The following PACRG variants were observed in gnomAD, a reference collection of about 807,000 sequenced individuals.
PACRG encodes parkin coregulated, also known as parkin coregulated gene protein.
Under a neutral mutation model 29.7 loss-of-function variants are expected in PACRG, and 29 were observed. The ratio of observed to expected loss-of-function variants is 0.98; its 90% CI spans 0.73 to 1.33. PACRG has a LOEUF of 1.33. Among genes scored for constraint, PACRG ranks in the 40% most tolerant of loss-of-function variants. PACRG has a pLI of 0.00. For synonymous variants in PACRG, 116 were observed against 118.7 expected, an observed-to-expected ratio of 0.98 and a Z score of 0.15; for missense variants, 279 against 316.2, an observed-to-expected ratio of 0.88 and a Z score of 0.89.
intron 2 of PACRG, among the ~76,000 whole-genome samples, chr6:162,929,767 G>C (rs891984025): frequency 1.3e-5 from 2 of 151,930 alleles, no homozygotes; most frequent in African/African-American, 4.8e-5. Flanking sequence ...ATGGTGAGAG[G>C]TAGGGGTCTA....
At chr6:163,161,227 T>G (rs575759068) in intron 4 of PACRG, among the ~76,000 whole-genome samples, 3 of 152,196 alleles carry the variant, frequency 2.0e-5, no homozygotes, top group Admixed American at 2.0e-4. Flanking sequence ...GTCTCCACTT[T>G]GTCATTACTC....
At chr6:163,243,875 T>A (rs1782594507) in intron 4 of PACRG, among the ~76,000 whole-genome samples, 1 of 152,176 alleles carries the variant, frequency 6.6e-6, no homozygotes, top group Non-Finnish European at 1.5e-5. Context: ...GCTAAGAAGC[T>A]ATCTCACCCT....
intron 4 of PACRG, among the ~76,000 whole-genome samples, chr6:163,297,102 C>G (rs951431346): frequency 6.6e-6 from 1 of 152,194 alleles, no homozygotes; most frequent in African/African-American, 2.4e-5. Flanking sequence ...CAAACCTGCT[C>G]TCAATGTAAT....
At chr6:162,963,281 AT>A (rs1237890050) in intron 2 of PACRG, among the ~76,000 whole-genome samples, 2 of 152,134 alleles carry the variant, frequency 1.3e-5, no homozygotes, top group Admixed American at 1.3e-4. Context: ...CCAAGATGTG[AT>A]TATATTAGAC....
intron 2 of PACRG, among the ~76,000 whole-genome samples, chr6:163,059,336 G>T (rs1810900945): frequency 6.6e-6 from 1 of 151,948 alleles, no homozygotes; most frequent in Non-Finnish European, 1.5e-5. Context: ...AGTATTTATT[G>T]TTTGAAGGCA....
At chr6:163,180,872 C>A (rs990103505) in intron 4 of PACRG, among the ~76,000 whole-genome samples, 18 of 152,214 alleles carry the variant, frequency 1.2e-4, no homozygotes, top group African/African-American at 3.4e-4. Flanking sequence ...TCACCAGGCA[C>A]CGAGCGTTGT....
chr6:163,023,976 T>C (rs1019872622), intron 2 of PACRG, among the ~76,000 whole-genome samples: 1 of 152,156 alleles, frequency 6.6e-6, no homozygotes, highest in Admixed American at 6.5e-5. Context: ...CTGCATTTTG[T>C]TGAATGCATG....
intron 2 of PACRG, among the ~76,000 whole-genome samples, chr6:163,040,037 T>C (rs1413766719): frequency 2.6e-5 from 4 of 152,176 alleles, no homozygotes; most frequent in Non-Finnish European, 1.5e-5. Flanking sequence ...GCCCTTCCCA[T>C]CACAGGCCTT....
At chr6:162,883,083 A>G in intron 2 of PACRG, among the ~76,000 whole-genome samples, 1 of 152,132 alleles carries the variant, frequency 6.6e-6, no homozygotes. Flanking sequence ...GTTATTATTT[A>G]CTAAATGAAA....
intron 2 of PACRG, among the ~76,000 whole-genome samples, chr6:162,889,746 G>C (rs1477582706): frequency 6.6e-6 from 1 of 152,188 alleles, no homozygotes; most frequent in East Asian, 1.9e-4. Context: ...GAGTTTTATA[G>C]TCCGGTTATT....
intron 2 of PACRG, among the ~76,000 whole-genome samples, chr6:163,001,406 G>C (rs1041729900): frequency 6.6e-6 from 1 of 152,186 alleles, no homozygotes; most frequent in Non-Finnish European, 1.5e-5. Context: ...TAGCTCCAGA[G>C]AACGTCCCAT....
At chr6:162,958,870 TATATATATATATATAGAGAGAG>T (rs1276120247) in intron 2 of PACRG, among the ~76,000 whole-genome samples, 121 of 69,422 alleles carry the variant, frequency 1.7e-3, no homozygotes, top group African/African-American at 5.9e-3. Flanking sequence ...TATATATATA[TATATATATATATATAGAGAGAG>T]AGAGAGAGAG....
chr6:162,838,852 T>C (rs1789493089), intron 2 of PACRG, among the ~76,000 whole-genome samples: 1 of 149,336 alleles, frequency 6.7e-6, no homozygotes, highest in South Asian at 2.2e-4. Context: ...GTTTGGTTTT[T>C]TGTTCTTGCG....
At chr6:163,049,960 A>T (rs555333993) in intron 2 of PACRG, among the ~76,000 whole-genome samples, 3 of 152,044 alleles carry the variant, frequency 2.0e-5, no homozygotes, top group Admixed American at 6.5e-5. Flanking sequence ...CTTTTTTTTT[A>T]AAACTTCACC....
At chr6:163,011,779 G>A (rs1185172282) in intron 2 of PACRG, among the ~76,000 whole-genome samples, 1 of 152,040 alleles carries the variant, frequency 6.6e-6, no homozygotes, top group Non-Finnish European at 1.5e-5. Context: ...TATTCTATAA[G>A]CTCTTTATTT....
At chr6:163,225,968 C>G (rs1171646369) in intron 4 of PACRG, among the ~76,000 whole-genome samples, 2 of 152,118 alleles carry the variant, frequency 1.3e-5, no homozygotes, top group Admixed American at 1.3e-4. Flanking sequence ...CACTTGAGTG[C>G]AGGAGTTTCA....
intron 4 of PACRG, among the ~76,000 whole-genome samples, chr6:163,269,825 A>AGGAAGGAAGGAAGGAAGG (rs869107418): frequency 2.9e-4 from 11 of 38,240 alleles, no homozygotes; most frequent in East Asian, 6.3e-4. Flanking sequence ...AGGAAGGAGA[A>AGGAAGGAAGGAAGGAAGG]AGAAAGAAAG....
At chr6:163,287,636 A>G (rs1471767658) in intron 4 of PACRG, among the ~76,000 whole-genome samples, 1 of 152,242 alleles carries the variant, frequency 6.6e-6, no homozygotes, top group African/African-American at 2.4e-5. Flanking sequence ...ATTTACACAG[A>G]TAGTCTTTTA....
At chr6:163,273,888 T>C (rs182276780) in intron 4 of PACRG, among the ~76,000 whole-genome samples, 94 of 152,348 alleles carry the variant, frequency 6.2e-4, no homozygotes, top group Admixed American at 1.2e-3. Context: ...CCTAACTTTT[T>C]GAGTTAGTTT....
Sources: gnomAD v4.1 joint callset for allele counts (sites outside exome capture counted in the v4.1 genomes callset) on GRCh38, gnomAD v4.1.1 for gene constraint, MANE v1.5 for transcripts, NCBI Gene and HGNC (gene_info 2026-07-23, HGNC 2026-07-21) for gene names.